Variants in PRKAR1B observed in about 807,000 individuals in gnomAD.
The protein encoded by PRKAR1B is protein kinase cAMP-dependent type I regulatory subunit beta.
A neutral mutation model predicts 46.5 loss-of-function variants in PRKAR1B; 22 were observed. That is an observed-to-expected ratio of 0.47 (90% CI 0.34 to 0.68). The LOEUF (loss-of-function observed/expected upper bound fraction) is 0.68. Ranked by LOEUF, PRKAR1B falls within the 30% of genes least tolerant of loss-of-function variation. The pLI is 0.01. For synonymous variants in PRKAR1B, 259 were observed against 217.7 expected, an observed-to-expected ratio of 1.19 and a Z score of -1.67; for missense variants, 445 against 535.6, an observed-to-expected ratio of 0.83 and a Z score of 1.67.
intron 4 of PRKAR1B, among the ~76,000 whole-genome samples, chr7:612,644 G>C (rs980288176): frequency 6.6e-6 from 1 of 152,164 alleles, no homozygotes; most frequent in Non-Finnish European, 1.5e-5. Context: ...ACGGATGCCT[G>C]GAAGGATGAA....
intron 4 of PRKAR1B, among the ~76,000 whole-genome samples, chr7:635,486 A>G (rs936359439): frequency 1.3e-5 from 2 of 152,036 alleles, no homozygotes; most frequent in African/African-American, 2.4e-5. Flanking sequence ...CGTCCCCAAC[A>G]CTGACTCCAC....
intron 2 of PRKAR1B, among the ~76,000 whole-genome samples, chr7:705,366 T>C (rs1780272897): frequency 6.7e-6 from 1 of 150,280 alleles, no homozygotes; most frequent in Admixed American, 6.6e-5. Context: ...ATATACCTAT[T>C]AGAATGGCTA....
intron 9 of PRKAR1B, among the ~76,000 whole-genome samples, chr7:564,354 C>T (rs1005763738): frequency 3.9e-5 from 6 of 152,186 alleles, no homozygotes; most frequent in Admixed American, 6.5e-5. Flanking sequence ...CCTCAACCTC[C>T]GCCGCCAGCC....
chr7:574,992 T>C (rs1779735454), intron 9 of PRKAR1B, among the ~76,000 whole-genome samples: 1 of 152,208 alleles, frequency 6.6e-6, no homozygotes, highest in Non-Finnish European at 1.5e-5. Flanking sequence ...CTCTGTTGTC[T>C]AGGCAAGGAA....
chr7:584,042 C>G (rs902912513), intron 8 of PRKAR1B, among the ~76,000 whole-genome samples: 13 of 152,160 alleles, frequency 8.5e-5, no homozygotes, highest in African/African-American at 2.9e-4. Context: ...GAACTGAGAG[C>G]AATGATGGCG....
chr7:634,394 C>T (rs1783925786), intron 4 of PRKAR1B, among the ~76,000 whole-genome samples: 2 of 152,092 alleles, frequency 1.3e-5, no homozygotes, highest in Non-Finnish European at 2.9e-5. Context: ...GGGAGGATCA[C>T]TTGAGCCCAG....
intron 6 of PRKAR1B, among the ~76,000 whole-genome samples, chr7:603,861 A>G (rs1490068181): frequency 0.025 from 2,335 of 94,194 alleles, no homozygotes; most frequent in African/African-American, 0.051. Flanking sequence ...AGGACCCAGA[A>G]TGGACAGGGC....
At chr7:551,046 C>A (rs1000916672) in intron 10 of PRKAR1B, among the ~76,000 whole-genome samples, 5 of 151,310 alleles carry the variant, frequency 3.3e-5, no homozygotes, top group African/African-American at 1.2e-4. Context: ...TAGGCCTGGG[C>A]CTCCCTCAAG....
intron 3 of PRKAR1B, among the ~76,000 whole-genome samples, chr7:680,081 C>A (rs1778574493): frequency 6.6e-6 from 1 of 150,866 alleles, no homozygotes; most frequent in South Asian, 2.1e-4. Context: ...TGGCATGAAC[C>A]TGGGAGGCGG....
chr7:694,623 C>T (rs1779623488), intron 2 of PRKAR1B, among the ~76,000 whole-genome samples: 1 of 152,202 alleles, frequency 6.6e-6, no homozygotes, highest in African/African-American at 2.4e-5. Flanking sequence ...CCCCCACCCA[C>T]CTCCAGTGCA....
chr7:708,996 T>C (rs924824285), intron 2 of PRKAR1B, among the ~76,000 whole-genome samples: 12 of 150,470 alleles, frequency 8.0e-5, no homozygotes, highest in African/African-American at 2.9e-4. Flanking sequence ...TTTCACTGTG[T>C]TGGTCAAGGT....
chr7:566,679 T>C (rs527448343), intron 9 of PRKAR1B, among the ~76,000 whole-genome samples: 54 of 60 alleles, frequency 0.9, 25 homozygotes, highest in Admixed American at 1. Flanking sequence ...TTCATCACCA[T>C]CACCATCATC....
chr7:613,970 C>T (rs1049119189), intron 4 of PRKAR1B, among the ~76,000 whole-genome samples: 3 of 152,230 alleles, frequency 2.0e-5, no homozygotes, highest in East Asian at 1.9e-4. Flanking sequence ...TGCCACCAAG[C>T]GGGTGGGAGA....
intron 4 of PRKAR1B, among the ~76,000 whole-genome samples, chr7:613,693 G>A (rs186178111): frequency 7.2e-5 from 11 of 152,304 alleles, no homozygotes; most frequent in East Asian, 3.9e-4. Context: ...CGACCAACAC[G>A]GTACACCGAG....
intron 4 of PRKAR1B, among the ~76,000 whole-genome samples, chr7:626,242 A>C (rs1173207964): frequency 6.6e-6 from 1 of 152,206 alleles, no homozygotes; most frequent in Non-Finnish European, 1.5e-5. Context: ...CTGTAATCCC[A>C]GCACTTTTAG....
At chr7:611,875 A>T (rs1218378554) in intron 4 of PRKAR1B, among the ~76,000 whole-genome samples, 1 of 150,450 alleles carries the variant, frequency 6.6e-6, no homozygotes, top group African/African-American at 2.5e-5. Context: ...CGATGGATGG[A>T]TGGACAGGTG....
chr7:647,737 G>T (rs1234536838), intron 4 of PRKAR1B, among the ~76,000 whole-genome samples: 2 of 146,010 alleles, frequency 1.4e-5, no homozygotes, highest in Admixed American at 1.4e-4. Flanking sequence ...ACCTGGGGGG[G>T]CAGAGCCTGC....
chr7:708,906 C>A (rs1209275956), intron 2 of PRKAR1B, among the ~76,000 whole-genome samples: 1 of 151,624 alleles, frequency 6.6e-6, no homozygotes, highest in Non-Finnish European at 1.5e-5. Context: ...AATTCTCCTG[C>A]CTCAGCCTCC....
chr7:606,767 C>CGTGTGT (rs71546453), intron 5 of PRKAR1B, among the ~76,000 whole-genome samples: 6,381 of 148,342 alleles, frequency 0.043, 272 homozygotes, highest in African/African-American at 0.11. Context: ...GAATTTTATG[C>CGTGTGT]GTGTGTGTGT....
Sources: gnomAD v4.1 joint callset for allele counts (sites outside exome capture counted in the v4.1 genomes callset) on GRCh38, gnomAD v4.1.1 for gene constraint, MANE v1.5 for transcripts, NCBI Gene and HGNC (gene_info 2026-07-23, HGNC 2026-07-21) for gene names.